The following AMMECR1 variants were observed in gnomAD, a reference collection of about 807,000 sequenced individuals.
AMMECR1 encodes the protein AMMECR nuclear protein 1.
A neutral mutation model predicts 22.5 loss-of-function variants in AMMECR1; 3 were observed. The observed-to-expected ratio is 0.13, with a 90% confidence interval of 0.06 to 0.35. AMMECR1 has a LOEUF of 0.35. AMMECR1 is among the 10% of genes least tolerant of loss of function. The pLI, the probability that AMMECR1 is intolerant of heterozygous loss-of-function variation, is 1.00. For missense variants in AMMECR1, 235 were observed against 278.7 expected, an observed-to-expected ratio of 0.84 and a Z score of 1.12; for synonymous variants, 130 against 116.7, an observed-to-expected ratio of 1.11 and a Z score of -0.74.
chrX:110,400,320 C>T (rs752763841), intron 2 of AMMECR1, among the ~76,000 whole-genome samples: 2 of 108,018 alleles, frequency 1.9e-5, no homozygotes, highest in Non-Finnish European at 3.8e-5. Flanking sequence ...CCTATATTCA[C>T]TTCAGTTGCC....
chrX:110,226,919 G>T (rs1423296036), intron 2 of AMMECR1, among the ~76,000 whole-genome samples: 2 of 111,630 alleles, frequency 1.8e-5, no homozygotes, highest in African/African-American at 6.5e-5. Flanking sequence ...TGATCTTGGT[G>T]ACTCAGAGCT....
chrX:110,394,950 C>T (rs2068518974), intron 2 of AMMECR1, among the ~76,000 whole-genome samples: 1 of 112,777 alleles, frequency 8.9e-6, no homozygotes, highest in African/African-American at 3.2e-5. Context: ...CTAGCCTAGG[C>T]TTATACTCCC....
chrX:110,214,519 T>C, intron 3 of AMMECR1, among the ~76,000 whole-genome samples: 1 of 111,559 alleles, frequency 9.0e-6, no homozygotes, highest in East Asian at 2.8e-4. Flanking sequence ...GATGTATCTT[T>C]TGGACATAAT....
chrX:110,219,616 TA>T (rs915470202), intron 2 of AMMECR1: 109 of 736,350 alleles, frequency 1.5e-4, no homozygotes, highest in African/African-American at 3.3e-4. Flanking sequence ...ATTCTAGGCT[TA>T]AAAAAAAAGA....
At chrX:110,421,752 A>G (rs1023658324) in intron 2 of AMMECR1, among the ~76,000 whole-genome samples, 3 of 112,683 alleles carry the variant, frequency 2.7e-5, no homozygotes, top group African/African-American at 9.7e-5. Flanking sequence ...GTATTCTTCA[A>G]AGGAATCTGT....
chrX:110,232,538 G>C (rs1179341095), intron 2 of AMMECR1, among the ~76,000 whole-genome samples: 4 of 111,333 alleles, frequency 3.6e-5, no homozygotes, highest in African/African-American at 1.3e-4. Flanking sequence ...GAAATTTATA[G>C]CACTAAATGC....
At chrX:110,428,682 T>C (rs966392936) in intron 1 of AMMECR1, among the ~76,000 whole-genome samples, 1 of 110,992 alleles carries the variant, frequency 9.0e-6, no homozygotes, top group African/African-American at 3.3e-5. Flanking sequence ...TCATTCCTCA[T>C]TGTCTGCAGG....
At chrX:110,204,534 T>G (rs761334781) in intron 3 of AMMECR1, among the ~76,000 whole-genome samples, 2 of 111,533 alleles carry the variant, frequency 1.8e-5, no homozygotes, top group East Asian at 5.6e-4. Flanking sequence ...TTATTCTAAT[T>G]GAACTAGATA....
In AMMECR1 at chrX:110,200,609, GTT is replaced by G. The variant is rs764639735; in HGVS notation, c.887+343_887+344del. ...GAGATTAAATTCGAATTTGAGGACT[GTT>G]TATCAGAATCCTGGGGTTCTGCTCA... is the stretch of plus-strand genomic sequence containing the variant. On this transcript the variant is annotated intron_variant, in intron 5 of 5. Coordinates refer to ENST00000262844, the MANE Select transcript of AMMECR1 (RefSeq NM_015365.3). 3.5e-3 allele frequency among the ~76,000 whole-genome samples: 389 copies of G among 112,119 alleles called. 5 individuals are homozygous for G. The highest frequency in any genetic ancestry group is 5.5e-3 in the Non-Finnish European group (295 of 53,168).
intron 2 of AMMECR1, among the ~76,000 whole-genome samples, chrX:110,248,973 C>T (rs2067673100): frequency 8.9e-6 from 1 of 112,075 alleles, no homozygotes; most frequent in South Asian, 3.7e-4. Flanking sequence ...AGAAAGAAAT[C>T]AGTTTGGGGA....
At chrX:110,347,594 T>C (rs967217936) in intron 2 of AMMECR1, among the ~76,000 whole-genome samples, 2 of 112,990 alleles carry the variant, frequency 1.8e-5, no homozygotes, top group Admixed American at 9.3e-5. Flanking sequence ...TTATCTGTAT[T>C]TGGCAGGCTT....
intron 2 of AMMECR1, among the ~76,000 whole-genome samples, chrX:110,360,328 G>T (rs1024057941): frequency 4.5e-5 from 5 of 111,636 alleles, no homozygotes; most frequent in African/African-American, 1.6e-4. Context: ...TTTATTCTGT[G>T]GACCTACAGA....
chrX:110,411,407 C>T (rs780485497), intron 2 of AMMECR1, among the ~76,000 whole-genome samples: 4 of 111,764 alleles, frequency 3.6e-5, no homozygotes, highest in Non-Finnish European at 7.5e-5. Context: ...TGACAACCGG[C>T]CTGCCACCAA....
At chrX:110,423,263 G>A (rs1471954890) in intron 2 of AMMECR1, among the ~76,000 whole-genome samples, 1 of 110,265 alleles carries the variant, frequency 9.1e-6, no homozygotes, top group Admixed American at 9.6e-5. Context: ...GGGAGGTTGA[G>A]GTTGCAGTGA....
intron 1 of AMMECR1, among the ~76,000 whole-genome samples, chrX:110,295,940 C>A (rs1225774059): frequency 8.9e-6 from 1 of 111,826 alleles, no homozygotes; most frequent in East Asian, 2.8e-4. Flanking sequence ...TCTTTCAAAT[C>A]AGATAGAAGA....
At chrX:110,353,536 CA>C (rs1261425549) in intron 2 of AMMECR1, among the ~76,000 whole-genome samples, 3 of 111,665 alleles carry the variant, frequency 2.7e-5, no homozygotes, top group Non-Finnish European at 5.7e-5. Flanking sequence ...CAAGATATTT[CA>C]AAATTTCCTT....
At position 110,429,623 on chromosome X, in the gene AMMECR1, C is replaced by T. The variant is rs769160486; in HGVS notation, c.-293-2820G>A. On this transcript the variant is annotated intron_variant, in intron 1 of 7. Coordinates refer to the AMMECR1 transcript ENST00000372057. ...TCAGCCTCCCAAGTAGCTGGGATTA[C>T]GGGCCCATGCCACCATGCCCTGCTA... 5.9e-4 allele frequency among the ~76,000 whole-genome samples: 65 copies of T among 110,062 alleles called. 1 individual carries two copies. Among genetic ancestry groups the T allele is most frequent in the Non-Finnish European group, 7.6e-5 (4 of 52,805 alleles).
intron 2 of AMMECR1, among the ~76,000 whole-genome samples, chrX:110,239,870 C>G (rs897657261): frequency 1.8e-5 from 2 of 112,039 alleles, no homozygotes; most frequent in African/African-American, 6.5e-5. Flanking sequence ...AGAAACCCCA[C>G]AAGCCAGAAG....
At chrX:110,326,970 A>T (rs1444107291) in intron 2 of AMMECR1, among the ~76,000 whole-genome samples, 3 of 112,151 alleles carry the variant, frequency 2.7e-5, no homozygotes, top group Admixed American at 9.5e-5. Context: ...GAAAGAATTT[A>T]TGATTATGAC....
Sources: gnomAD v4.1 joint callset for allele counts (sites outside exome capture counted in the v4.1 genomes callset) on GRCh38, gnomAD v4.1.1 for gene constraint, MANE v1.5 for transcripts, NCBI Gene and HGNC (gene_info 2026-07-23, HGNC 2026-07-21) for gene names.